Variants in OR10H3 observed in about 807,000 individuals in gnomAD.
OR10H3 encodes the protein olfactory receptor 10H3.
A neutral mutation model predicts 11.1 loss-of-function variants in OR10H3; 15 were observed. The observed-to-expected ratio is 1.36, with a 90% confidence interval of 0.91 to 2.09. The LOEUF is 2.09. Ranked by LOEUF, OR10H3 falls within the 30% of genes most tolerant of loss-of-function variation. OR10H3 has a pLI of 0.00. For missense variants in OR10H3, 403 were observed against 391.5 expected (o/e 1.03, Z -0.25); for synonymous variants, 149 against 142.1 (o/e 1.05, Z -0.35).
In OR10H3 at chr19:15,741,532, T is replaced by C. The variant is rs2008697791; in HGVS notation, c.140T>C (p.Met47Thr). Residue 47 changes from methionine (M) to threonine (T), a missense_variant, in exon 2 of 2, where the codon ATG (methionine) becomes ACG (threonine). Coordinates refer to ENST00000641646, the MANE Select transcript of OR10H3 (RefSeq NM_013938.2). ...ACATTGCTTGGCAACCTTCTTATCA[T>C]GGCCACAGTTTGGATTGAACGCAGA... ...LFTLLGNLLI[M>T]ATVWIERRLH... 1.9e-6 allele frequency: 3 copies of C among 1,614,216 alleles called. No homozygotes were observed. Among genetic ancestry groups the C allele is most frequent in the South Asian group, 1.1e-5 (1 of 91,088 alleles).
At chr19:15,740,664 A>G (rs2008687285) in intron 1 of OR10H3, among the ~76,000 whole-genome samples, 1 of 152,214 alleles carries the variant, frequency 6.6e-6, no homozygotes, top group African/African-American at 2.4e-5. Context: ...ACACTGGTAG[A>G]AGATGTCCAA....
rs1015003680 is a variant in OR10H3, at chr19:15,741,476, G to A, written c.84G>A (p.Leu28=). Residue 28 remains leucine (L), a synonymous_variant, in exon 2 of 2, where the codon TTG becomes TTA. Transcript: ENST00000641646. ...SAFPQQLLPV[L]FLLYLLMFLF... Reference sequence around the variant, plus strand: ...TCCCCCAGCAGCTCCTGCCTGTCTTGTTCCTGCTGTACCTCCTGATGTTCC... The same window carrying A: ...TCCCCCAGCAGCTCCTGCCTGTCTTATTCCTGCTGTACCTCCTGATGTTCC... 6.2e-7 allele frequency: 1 copy of A among 1,614,058 alleles called. No homozygotes were observed.
chr19:15,742,158 T>C lies in OR10H3; in HGVS notation c.766T>C (p.Phe256Leu), dbSNP rs944370667. ...HLTVVVMHYS[F>L]ASLIYLKPKG... The stretch of plus-strand genomic sequence containing the variant: ...CACTGTGGTGGTCATGCACTATAGT[T>C]TTGCCTCCCTTATCTACCTCAAACC... The change falls in exon 2 of 2, where the codon TTT becomes CTT. Residue 256 changes from phenylalanine (F) to leucine (L), a missense_variant. Physicochemically the swap from Phe to Leu is conservative, Grantham distance 22. Coordinates refer to ENST00000641646, the MANE Select transcript of OR10H3 (RefSeq NM_013938.2). 2.5e-6 allele frequency: 4 copies of C among 1,614,008 alleles called. No homozygotes were observed. The Admixed American group carries it at 5.0e-5, about 20-fold the overall frequency.
At chr19:15,740,474 C>T (rs1481802814) in intron 1 of OR10H3, among the ~76,000 whole-genome samples, 3 of 152,150 alleles carry the variant, frequency 2.0e-5, no homozygotes, top group Non-Finnish European at 4.4e-5. Context: ...TGAAACCAGA[C>T]CAATTGTTCT....
rs2008706059 is a variant in OR10H3 at position 15,741,931 on chromosome 19, G to A, written c.539G>A (p.Cys180Tyr). The A allele has an allele frequency of 6.2e-7, 1 of 1,614,040 alleles. No individual in the cohort carries two copies. Among genetic ancestry groups the A allele is most frequent in the Non-Finnish European group, 8.5e-7 (1 of 1,180,036 alleles). The stretch of plus-strand genomic sequence containing the variant: ...TCTAATGTGATCCACCATTTTCTCT[G>A]TCATGTGCTTTCCCTCTTGAAGTTG... ...CGSNVIHHFL[C>Y]HVLSLLKLAC... Residue 180 changes from cysteine to tyrosine, a missense_variant, in exon 2 of 2, where the codon TGT becomes TAT. Transcript: ENST00000641646.
At position 15,742,167 on chromosome 19, in the gene OR10H3, C is replaced by T. The variant is rs779437187; in HGVS notation, c.775C>T (p.Leu259Phe). Residue 259 changes from leucine to phenylalanine, a missense_variant, in exon 2 of 2, where the codon CTT becomes TTT. Physicochemically the swap from Leu to Phe is conservative, Grantham distance 22. Transcript: ENST00000641646. Reference protein sequence around the residue: ...VVVMHYSFASLIYLKPKGLHS... With the variant: ...VVVMHYSFASFIYLKPKGLHS... Reference sequence around the variant, plus strand: ...GGTCATGCACTATAGTTTTGCCTCCCTTATCTACCTCAAACCCAAGGGCCT... The same window carrying T: ...GGTCATGCACTATAGTTTTGCCTCCTTTATCTACCTCAAACCCAAGGGCCT... The T allele has an allele frequency of 4.3e-6, 7 of 1,614,030 alleles. No individual in the cohort carries two copies. Among genetic ancestry groups the T allele is most frequent in the Admixed American group, 1.7e-5 (1 of 60,000 alleles).
rs544255785 is a variant in OR10H3 at position 15,742,094 on chromosome 19, GGGCC to G, written c.706_709del (p.Arg236ThrfsTer39). Reference sequence around the variant, plus strand: ...CCATCTTGAGGATTCCTTCTGCTGAGGGCCGGCACAAGACTTTCTCCACTTGTGT... The same window carrying G: ...CCATCTTGAGGATTCCTTCTGCTGAGGGCACAAGACTTTCTCCACTTGTGT... On this transcript the variant is annotated frameshift_variant, in exon 2 of 2. Transcript: ENST00000641646. LOFTEE classifies it high-confidence loss of function. The G allele has an allele frequency of 2.1e-4, 337 of 1,614,132 alleles. 1 individual carries two copies. In the Admixed American group the frequency reaches 5.6e-3, roughly 27 times the overall value.
At position 15,741,513 on chromosome 19, in the gene OR10H3, C is replaced by A; in HGVS notation, c.121C>A (p.Leu41Ile). ...LYLLMFLFTL[L>I]GNLLIMATVW... ...CCTCCTGATGTTCCTGTTCACATTG[C>A]TTGGCAACCTTCTTATCATGGCCAC... is the stretch of plus-strand genomic sequence containing the variant. The change falls in exon 2 of 2, where the codon CTT becomes ATT. Residue 41 changes from leucine (L) to isoleucine (I), a missense_variant. Physicochemically the swap from Leu to Ile is conservative, Grantham distance 5 (BLOSUM62 2). Transcript: ENST00000641646. 1 of 1,614,230 alleles carries A rather than the reference C, an allele frequency of 6.2e-7. No homozygotes were observed. The highest frequency in any genetic ancestry group is 8.5e-7 in the Non-Finnish European group (1 of 1,180,038).
chr19:15,740,522 T>C (rs886399623), intron 1 of OR10H3, among the ~76,000 whole-genome samples: 9 of 152,238 alleles, frequency 5.9e-5, no homozygotes, highest in Admixed American at 1.3e-4. Flanking sequence ...CTGAAAGCTT[T>C]CTCATTATAT....
In OR10H3 at chr19:15,742,064, G is replaced by A. The variant is rs2008708706; in HGVS notation, c.672G>A (p.Val224=). The part of the protein sequence containing the change: ...FLIILSFVFI[V]AAILRIPSAE... ...TCATCCTCTCCTTTGTCTTCATTGT[G>A]GCTGCCATCTTGAGGATTCCTTCTG... The change falls in exon 2 of 2, where the codon GTG becomes GTA. Residue 224 remains valine, a synonymous_variant. Coordinates refer to ENST00000641646, the MANE Select transcript of OR10H3 (RefSeq NM_013938.2). 2 of 1,614,104 alleles carry A rather than the reference G, an allele frequency of 1.2e-6. No individual in the cohort carries two copies. Among genetic ancestry groups the A allele is most frequent in the African/African-American group, 2.7e-5 (2 of 75,002 alleles).
intron 1 of OR10H3, among the ~76,000 whole-genome samples, chr19:15,740,143 A>G (rs1381257518): frequency 6.6e-6 from 1 of 151,982 alleles, no homozygotes; most frequent in Non-Finnish European, 1.5e-5. Flanking sequence ...ACACATCTGT[A>G]GTCCAGCTAT....
intron 1 of OR10H3, among the ~76,000 whole-genome samples, chr19:15,738,937 T>C (rs1600056685): frequency 6.6e-6 from 1 of 152,124 alleles, no homozygotes; most frequent in African/African-American, 2.4e-5. Context: ...TTATTATGCA[T>C]GATTTTTTTC....
At position 15,741,552 on chromosome 19, in the gene OR10H3, C is replaced by A. The variant is rs769130878; in HGVS notation, c.160C>A (p.Arg54Ser). ...TATCATGGCCACAGTTTGGATTGAA[C>A]GCAGACTCCACACACCCATGTACCT... ...LLIMATVWIE[R>S]RLHTPMYLFL... The change falls in exon 2 of 2, where the codon CGC (arginine) becomes AGC (serine). Residue 54 changes from arginine (R) to serine (S), a missense_variant. Arg to Ser is a moderately radical substitution (Grantham distance 110). Coordinates refer to ENST00000641646, the MANE Select transcript of OR10H3 (RefSeq NM_013938.2). 2 of 1,614,174 alleles carry A rather than the reference C, an allele frequency of 1.2e-6. No homozygotes were observed. The highest frequency in any genetic ancestry group is 1.1e-5 in the South Asian group (1 of 91,080).
Position 15,742,096 on chromosome 19 carries a change from G to A in OR10H3, c.704G>A (p.Gly235Asp). 2 of 1,613,416 alleles carry A rather than the reference G, an allele frequency of 1.2e-6. No individual in the cohort carries two copies. The highest frequency in any genetic ancestry group is 1.1e-5 in the South Asian group (1 of 91,080). The change falls in exon 2 of 2, where the codon GGC becomes GAC. Residue 235 changes from glycine to aspartate, a missense_variant. Transcript: ENST00000641646. The stretch of plus-strand genomic sequence containing the variant: ...ATCTTGAGGATTCCTTCTGCTGAGG[G>A]CCGGCACAAGACTTTCTCCACTTGT... ...AAILRIPSAEGRHKTFSTCVS... is the reference protein window; with the variant it reads ...AAILRIPSAEDRHKTFSTCVS...
intron 1 of OR10H3, among the ~76,000 whole-genome samples, chr19:15,740,707 C>T (rs2008687550): frequency 6.6e-6 from 1 of 152,130 alleles, no homozygotes; most frequent in Non-Finnish European, 1.5e-5. Context: ...ACAGATCAGC[C>T]ATGTGTTAAG....
intron 1 of OR10H3, among the ~76,000 whole-genome samples, chr19:15,740,109 G>C (rs536665210): frequency 7.3e-6 from 1 of 137,268 alleles, no homozygotes; most frequent in South Asian, 2.3e-4. Context: ...AAAAAAAAAT[G>C]TTTAATTAGA....
Position 15,742,179 on chromosome 19 carries a change from A to G in OR10H3, c.787A>G (p.Lys263Glu), listed in dbSNP as rs778811469. 1 of 1,614,042 alleles carries G rather than the reference A, an allele frequency of 6.2e-7. No individual in the cohort carries two copies. Among genetic ancestry groups the G allele is most frequent in the East Asian group, 2.2e-5 (1 of 44,874 alleles). ...HYSFASLIYL[K>E]PKGLHSMYSD... is the part of the protein sequence containing the mutation. The stretch of plus-strand genomic sequence containing the variant: ...TAGTTTTGCCTCCCTTATCTACCTC[A>G]AACCCAAGGGCCTCCATTCTATGTA... The change falls in exon 2 of 2, where the codon AAA becomes GAA. Residue 263 changes from lysine (K) to glutamate (E), a missense_variant. Lys to Glu is a moderately conservative substitution (Grantham distance 56). Coordinates refer to ENST00000641646, the MANE Select transcript of OR10H3 (RefSeq NM_013938.2).
chr19:15,742,168 T>C lies in OR10H3; in HGVS notation c.776T>C (p.Leu259Pro). The C allele has an allele frequency of 6.2e-7, 1 of 1,614,172 alleles. No individual in the cohort carries two copies. Among genetic ancestry groups the C allele is most frequent in the African/African-American group, 1.3e-5 (1 of 75,052 alleles). ...VVVMHYSFAS[L>P]IYLKPKGLHS... ...GTCATGCACTATAGTTTTGCCTCCC[T>C]TATCTACCTCAAACCCAAGGGCCTC... Residue 259 changes from leucine (L) to proline (P), a missense_variant, in exon 2 of 2, where the codon CTT (leucine) becomes CCT (proline). Transcript: ENST00000641646.
chr19:15,740,965 T>C (rs1486159936), intron 1 of OR10H3, among the ~76,000 whole-genome samples: 1 of 152,092 alleles, frequency 6.6e-6, no homozygotes, highest in Non-Finnish European at 1.5e-5. Flanking sequence ...TGTAAACGGG[T>C]TAAATAAGCA....
Sources: gnomAD v4.1 joint callset for allele counts (sites outside exome capture counted in the v4.1 genomes callset) on GRCh38, gnomAD v4.1.1 for gene constraint, MANE v1.5 for transcripts, NCBI Gene and HGNC (gene_info 2026-07-23, HGNC 2026-07-21) for gene names.